The following ATCAY variants were observed in gnomAD, a reference collection of about 807,000 sequenced individuals.
ATCAY encodes the protein ATCAY kinesin light chain interacting caytaxin.
In ATCAY, 22 loss-of-function variants were observed where a neutral mutation model predicts 47.7. That is an observed-to-expected ratio of 0.46 (90% CI 0.33 to 0.66). The LOEUF (loss-of-function observed/expected upper bound fraction) is 0.66. ATCAY is among the 30% of genes least tolerant of loss of function. ATCAY has a pLI of 0.02. For synonymous variants in ATCAY, 216 were observed against 207.6 expected (o/e 1.04, Z -0.35); for missense variants, 452 against 515.0 (o/e 0.88, Z 1.18).
intron 8 of ATCAY, among the ~76,000 whole-genome samples, chr19:3,912,063 G>T (rs369333887): frequency 1.1e-4 from 16 of 152,136 alleles, no homozygotes; most frequent in African/African-American, 3.9e-4. Flanking sequence ...CCAGAATTCA[G>T]TAACATAGAC....
chr19:3,890,488 C>T (rs1009886999), intron 2 of ATCAY, among the ~76,000 whole-genome samples: 27 of 152,050 alleles, frequency 1.8e-4, no homozygotes, highest in South Asian at 8.3e-4. Context: ...GTCTCGAACT[C>T]CCAACCTCAA....
At chr19:3,911,038 G>A in intron 8 of ATCAY, 149 bp downstream of exon 8, 3 of 869,472 alleles carry the variant, frequency 3.5e-6, no homozygotes, top group Non-Finnish European at 5.5e-6. Flanking sequence ...TGATGTGCAT[G>A]TTCCAGCTTC....
chr19:3,896,573 G>C (rs1266417667), intron 2 of ATCAY, among the ~76,000 whole-genome samples: 2 of 151,448 alleles, frequency 1.3e-5, no homozygotes, highest in African/African-American at 4.9e-5. Flanking sequence ...GGCCTGAGAT[G>C]CTTTCTACAG....
At chr19:3,921,744 A>C (rs1252444066) in intron 12 of ATCAY, among the ~76,000 whole-genome samples, 1 of 152,092 alleles carries the variant, frequency 6.6e-6, no homozygotes, top group African/African-American at 2.4e-5. Context: ...CTAAAAATAT[A>C]AAATTAGCTG....
Position 3,924,908 on chromosome 19 carries a change from G to A in ATCAY, c.*316G>A. The A allele has an allele frequency of 2.8e-6, 1 of 362,700 alleles. No individual in the cohort carries two copies. The allele number at this position is 362,700 out of a possible 1,614,324, so 22.5% of individuals were successfully genotyped here. Reference sequence around the variant, plus strand: ...AGGGGGTGGCCCGCGTGGCGTCGGTGGCCTCCGCTCCTGCTCGCAGCCTCT... The same window carrying A: ...AGGGGGTGGCCCGCGTGGCGTCGGTAGCCTCCGCTCCTGCTCGCAGCCTCT... On this transcript the variant is annotated 3_prime_UTR_variant, in exon 13 of 13. Coordinates refer to ENST00000450849, the MANE Select transcript of ATCAY (RefSeq NM_033064.5).
chr19:3,887,549 CG>C (rs1809183978), intron 2 of ATCAY, among the ~76,000 whole-genome samples: 1 of 151,026 alleles, frequency 6.6e-6, no homozygotes, highest in African/African-American at 2.4e-5. Context: ...TGCAGTGGCG[CG>C]ATCTTGGCTC....
intron 9 of ATCAY, among the ~76,000 whole-genome samples, 182 bp from the exon 10 acceptor site, chr19:3,917,560 G>A (rs8113291): frequency 0.033 from 4,073 of 124,246 alleles, 215 homozygotes; most frequent in African/African-American, 0.12. Flanking sequence ...ACTCCAGCTT[G>A]GGCGACAGTG....
intron 3 of ATCAY, among the ~76,000 whole-genome samples, chr19:3,903,565 C>T (rs2038833014): frequency 6.6e-6 from 1 of 151,570 alleles, no homozygotes. Flanking sequence ...ACTGTATCGC[C>T]CAGGCTGGAG....
chr19:3,913,921 C>G, intron 9 of ATCAY, 65 bp downstream of exon 9: 1 of 1,436,412 alleles, frequency 7.0e-7, no homozygotes, highest in Non-Finnish European at 9.8e-7. Context: ...AAAGACACAC[C>G]TGAGACAGGG....
intron 8 of ATCAY, among the ~76,000 whole-genome samples, chr19:3,912,182 G>A (rs143355289): frequency 4.6e-5 from 7 of 152,086 alleles, no homozygotes; most frequent in African/African-American, 1.7e-4. Context: ...CAATAATTCT[G>A]TCACTCTTCA....
chr19:3,923,592 A>T (rs550042501), intron 12 of ATCAY, among the ~76,000 whole-genome samples: 67 of 146,532 alleles, frequency 4.6e-4, no homozygotes, highest in African/African-American at 1.6e-3. Flanking sequence ...GTGAAGGTTG[A>T]CTGTGTGGAT....
In ATCAY at chr19:3,907,980, G is replaced by A. The variant is rs2038879806; in HGVS notation, c.544+61G>A. 5 of 1,555,998 alleles carry A rather than the reference G, an allele frequency of 3.2e-6. No individual in the cohort carries two copies. Among genetic ancestry groups the A allele is most frequent in the Admixed American group, 1.9e-5 (1 of 52,672 alleles). On this transcript the variant is annotated intron_variant, in intron 5 of 12. Transcript: ENST00000450849. This position sits in a 1 kb window ranked among gnomAD's most constrained non-coding sequence, Gnocchi z 5.1. ...AGCCCGGCCCACTGGGCAACAGGGGGTTCGTCAGTGCCCCTCTCTGATGCA... is the reference window on the plus strand; with the variant it reads ...AGCCCGGCCCACTGGGCAACAGGGGATTCGTCAGTGCCCCTCTCTGATGCA...
At position 3,887,619 on chromosome 19, in the gene ATCAY, T is replaced by C. The variant is rs985074772; in HGVS notation, c.77+1775T>C. Among the ~76,000 whole-genome samples, 23 of 151,004 alleles carry C rather than the reference T, an allele frequency of 1.5e-4. No homozygotes were observed. In the East Asian group the frequency reaches 4.4e-3, roughly 29 times the overall value. On this transcript the variant is annotated intron_variant, in intron 2 of 12. Transcript: ENST00000450849. ...CTCCTGCCTCAGCCTCCCGAGTAGC[T>C]GGGACTACGGGCACCCGCCACCACG...
At chr19:3,888,675 G>A (rs887572242) in intron 2 of ATCAY, among the ~76,000 whole-genome samples, 49 of 152,080 alleles carry the variant, frequency 3.2e-4, no homozygotes, top group African/African-American at 1.2e-3. Context: ...CAATCTGAGA[G>A]GGTTCCGGAG....
chr19:3,908,064 G>A lies in ATCAY; in HGVS notation c.544+145G>A, dbSNP rs557272029. ...GACGGACTGTGGGCAAGGCGTGCAT[G>A]GTCAGGGAGGCGCACTGGGGGCCCC... On this transcript the variant is annotated intron_variant, in intron 5 of 12. Coordinates refer to ENST00000450849, the MANE Select transcript of ATCAY (RefSeq NM_033064.5). The A allele has an allele frequency of 7.5e-6, 9 of 1,206,612 alleles. No homozygotes were observed. In the African/African-American group the frequency reaches 9.1e-5, roughly 12 times the overall value. The allele number at this position is 1,206,612 out of a possible 1,614,324, so 74.7% of individuals were successfully genotyped here.
At chr19:3,887,700 A>T (rs947886110) in intron 2 of ATCAY, among the ~76,000 whole-genome samples, 1 of 149,184 alleles carries the variant, frequency 6.7e-6, no homozygotes, top group South Asian at 2.1e-4. Flanking sequence ...GTTAGCCAGG[A>T]TGGTCTCGAT....
At chr19:3,893,265 C>G (rs1314370336) in intron 2 of ATCAY, among the ~76,000 whole-genome samples, 1 of 151,254 alleles carries the variant, frequency 6.6e-6, no homozygotes, top group African/African-American at 2.4e-5. Flanking sequence ...CCTCCGCCTC[C>G]TGGGTTCAAG....
At position 3,902,502 on chromosome 19, in the gene ATCAY, G is replaced by T. The variant is rs747684170; in HGVS notation, c.93G>T (p.Glu31Asp). ...DEDLPRPLPE[E>D]TGVELLGSPV... ...GGGTCCGCAGGCCACTCCCAGAAGA[G>T]ACGGGGGTGGAACTGCTTGGCAGCC... is the stretch of plus-strand genomic sequence containing the variant. Residue 31 changes from glutamate (E) to aspartate (D), a missense_variant, in exon 3 of 13, where the codon GAG (glutamate) becomes GAT (aspartate). Physicochemically the swap from Glu to Asp is conservative, Grantham distance 45. Coordinates refer to ENST00000450849, the MANE Select transcript of ATCAY (RefSeq NM_033064.5). 1.1e-5 allele frequency: 17 copies of T among 1,579,556 alleles called. No individual in the cohort carries two copies. The South Asian group carries it at 2.0e-4, about 18-fold the overall frequency.
At chr19:3,911,182 T>C (rs995893791) in intron 8 of ATCAY, among the ~76,000 whole-genome samples, 4 of 152,106 alleles carry the variant, frequency 2.6e-5, no homozygotes, top group African/African-American at 4.8e-5. Context: ...CTGAGCAACA[T>C]AGCAAAACCC....
Sources: gnomAD v4.1 joint callset for allele counts (sites outside exome capture counted in the v4.1 genomes callset) on GRCh38, gnomAD v4.1.1 for gene constraint, Gnocchi (gnomAD v3.1) non-coding constraint, MANE v1.5 for transcripts, NCBI Gene and HGNC (gene_info 2026-07-23, HGNC 2026-07-21) for gene names.